Variants in UBE2D4 observed in about 807,000 individuals in gnomAD.
UBE2D4 encodes ubiquitin conjugating enzyme E2 D4, also known as ubiquitin-conjugating enzyme E2 D4.
Under a neutral mutation model 23.0 loss-of-function variants are expected in UBE2D4, and 17 were observed. The ratio of observed to expected loss-of-function variants is 0.74; its 90% CI spans 0.51 to 1.11. The LOEUF (loss-of-function observed/expected upper bound fraction) is 1.11. UBE2D4 is among the 50% of genes least tolerant of loss of function. The probability of loss-of-function intolerance (pLI) is 0.00; values close to 1 mark genes in which losing one functional copy is unlikely to be tolerated. For missense variants in UBE2D4, 139 were observed against 181.8 expected, an observed-to-expected ratio of 0.76 and a Z score of 1.35; for synonymous variants, 61 against 69.4, an observed-to-expected ratio of 0.88 and a Z score of 0.60.
At chr7:43,938,339 C>T (rs1029955211) in intron 1 of UBE2D4, 92 bp from the exon 2 acceptor site, 1 of 1,291,086 alleles carries the variant, frequency 7.7e-7, no homozygotes, top group African/African-American at 1.5e-5. Context: ...AGCCTCCTCC[C>T]ACCAGGAGAA....
chr7:43,954,864 G>T lies in UBE2D4; in HGVS notation c.*2169G>T, dbSNP rs1406610924. ...GATGGGAAAATTAAGGCCCAACTTGGTGTTGGGGAATAACCATACTCTGGT... is the reference window on the plus strand; with the variant it reads ...GATGGGAAAATTAAGGCCCAACTTGTTGTTGGGGAATAACCATACTCTGGT... On this transcript the variant is annotated 3_prime_UTR_variant, in exon 7 of 7. Transcript: ENST00000222402. 6.6e-6 allele frequency: 1 copy of T among 152,196 alleles called. No homozygotes were observed. Among genetic ancestry groups the T allele is most frequent in the Non-Finnish European group, 1.5e-5 (1 of 68,044 alleles). The allele number at this position is 152,196 out of a possible 1,614,324, so 9.4% of individuals were successfully genotyped here. A position where few individuals can be genotyped will look rare whatever the true frequency, so the allele number is the denominator to read the frequency against.
At chr7:43,928,196 T>C (rs1312067959) in intron 1 of UBE2D4, 1 of 308,526 alleles carries the variant, frequency 3.2e-6, no homozygotes, top group Non-Finnish European at 6.6e-6. Context: ...CACTTATTAT[T>C]GTGGGGGGGC....
rs1427819395 is a variant in UBE2D4, at chr7:43,952,635, G to C, written c.399-15G>C. The C allele has an allele frequency of 6.2e-7, 1 of 1,612,734 alleles. No individual in the cohort carries two copies. The highest frequency in any genetic ancestry group is 2.2e-5 in the East Asian group (1 of 44,882). On this transcript the variant is annotated splice_polypyrimidine_tract_variant and intron_variant, in intron 6 of 6. Coordinates refer to ENST00000222402, the MANE Select transcript of UBE2D4 (RefSeq NM_015983.4). ...TTCAAGTGAGGGTGTCACTTCCTCT[G>C]CTTTTTTATTCCAGGTACAACAGAC... is the stretch of plus-strand genomic sequence containing the variant.
At chr7:43,946,949 A>G (rs1051831051) in intron 4 of UBE2D4, among the ~76,000 whole-genome samples, 15 of 151,924 alleles carry the variant, frequency 9.9e-5, no homozygotes, top group African/African-American at 3.1e-4. Flanking sequence ...TTACATAGGT[A>G]TACATGTGCC....
chr7:43,946,172 A>G (rs900566994), intron 4 of UBE2D4: 1 of 152,064 alleles, frequency 6.6e-6, no homozygotes, highest in Admixed American at 6.6e-5. Flanking sequence ...TTAGGCTCCT[A>G]TAGCAGTACA....
chr7:43,948,349 CCCTTG>C (rs2095993215), intron 4 of UBE2D4, among the ~76,000 whole-genome samples: 1 of 152,202 alleles, frequency 6.6e-6, no homozygotes, highest in Non-Finnish European at 1.5e-5. Flanking sequence ...CTTTCCACCA[CCCTTG>C]TTATTCCTCA....
chr7:43,926,694 C>T lies in UBE2D4; in HGVS notation c.24+138C>T, dbSNP rs376000729. 1.4e-4 allele frequency: 124 copies of T among 914,404 alleles called. 1 individual carries two copies. In the South Asian group the frequency reaches 2.8e-3, roughly 21 times the overall value. The allele number at this position is 914,404 out of a possible 1,614,324, so 56.6% of individuals were successfully genotyped here. A position where few individuals can be genotyped will look rare whatever the true frequency, so the allele number is the denominator to read the frequency against. On this transcript the variant is annotated intron_variant, in intron 1 of 6. Coordinates refer to ENST00000222402, the MANE Select transcript of UBE2D4 (RefSeq NM_015983.4). ...CCTGCCTGGGAAGGAGGCAGAACAG[C>T]CTCCCGCGCAGCCTGAAAAGCGAAC...
At chr7:43,936,609 G>A (rs1256115181) in intron 1 of UBE2D4, among the ~76,000 whole-genome samples, 1 of 152,120 alleles carries the variant, frequency 6.6e-6, no homozygotes. Context: ...CCTCCTGGGT[G>A]GGCAACCAGT....
rs57093593 is a variant in UBE2D4, at chr7:43,932,984, G to GTATATATATA, written c.25-5426_25-5417dup. On this transcript the variant is annotated intron_variant, in intron 1 of 6. Coordinates refer to ENST00000222402, the MANE Select transcript of UBE2D4 (RefSeq NM_015983.4). ...CCTCCTGGGGGCAACAAATGTTAAA[G>GTATATATATA]TATATATATATATATATATATATAT... Among the ~76,000 whole-genome samples, 183 of 85,798 alleles carry GTATATATATA rather than the reference G, an allele frequency of 2.1e-3. 2 individuals are homozygous for GTATATATATA. The highest frequency in any genetic ancestry group is 6.9e-3 in the Middle Eastern group (1 of 144). The allele number at this position is 85,798 out of a possible 152,430, so 56.3% of individuals were successfully genotyped here. A position where few individuals can be genotyped will look rare whatever the true frequency, so the allele number is the denominator to read the frequency against.
intron 1 of UBE2D4, among the ~76,000 whole-genome samples, chr7:43,931,534 C>T (rs1473614798): frequency 2.1e-5 from 3 of 143,012 alleles, no homozygotes; most frequent in African/African-American, 7.8e-5. Flanking sequence ...GCAGGCTGTA[C>T]AGGAAGTATG....
At position 43,954,641 on chromosome 7, in the gene UBE2D4, A is replaced by G. The variant is rs972275810; in HGVS notation, c.*1946A>G. 1 of 152,166 alleles carries G rather than the reference A, an allele frequency of 6.6e-6. No homozygotes were observed. Among genetic ancestry groups the G allele is most frequent in the Non-Finnish European group, 1.5e-5 (1 of 68,022 alleles). 9.4% of individuals were successfully genotyped at this position (152,166 alleles called of 1,614,324 possible). On this transcript the variant is annotated 3_prime_UTR_variant, in exon 7 of 7. Coordinates refer to ENST00000222402, the MANE Select transcript of UBE2D4 (RefSeq NM_015983.4). ...CTTAAACAAAACAATAAAGCTTAAT[A>G]GTTGGGGAGAATGCTGTTACCAGTG...
chr7:43,937,441 C>T (rs904176269), intron 1 of UBE2D4, among the ~76,000 whole-genome samples: 1 of 152,196 alleles, frequency 6.6e-6, no homozygotes, highest in Admixed American at 6.5e-5. Flanking sequence ...GTTAAATTCT[C>T]TTTTGGCCAC....
At chr7:43,938,285 G>C in intron 1 of UBE2D4, 146 bp from the exon 2 acceptor site, 1 of 747,282 alleles carries the variant, frequency 1.3e-6, no homozygotes, top group Non-Finnish European at 2.4e-6. Flanking sequence ...AGGGAGTAGA[G>C]TCCTATGACC....
chr7:43,945,005 T>A (rs899472279), intron 4 of UBE2D4: 3 of 152,170 alleles, frequency 2.0e-5, no homozygotes, highest in Non-Finnish European at 4.4e-5. Context: ...ATTATTATTA[T>A]TTTTGAGACA....
At chr7:43,932,333 G>A (rs1483608391) in intron 1 of UBE2D4, among the ~76,000 whole-genome samples, 1 of 152,170 alleles carries the variant, frequency 6.6e-6, no homozygotes, top group Non-Finnish European at 1.5e-5. Flanking sequence ...GTGAGAAGAG[G>A]ATAATACCAA....
chr7:43,948,504 C>T, intron 4 of UBE2D4, 128 bp from the exon 5 acceptor site: 1 of 647,150 alleles, frequency 1.5e-6, no homozygotes, highest in Middle Eastern at 4.3e-4. Context: ...TCTGGCTTAG[C>T]CTGCACTGTG....
intron 1 of UBE2D4, among the ~76,000 whole-genome samples, chr7:43,929,595 G>A (rs998869832): frequency 7.2e-5 from 11 of 152,058 alleles, no homozygotes; most frequent in African/African-American, 2.7e-4. Context: ...GGCAACCAGA[G>A]TGAGACCCTG....
chr7:43,950,911 G>C (rs937824644), intron 6 of UBE2D4, among the ~76,000 whole-genome samples: 1 of 152,230 alleles, frequency 6.6e-6, no homozygotes, highest in Non-Finnish European at 1.5e-5. Context: ...GATAAAAGCA[G>C]TTCCCCTCCT....
At chr7:43,942,900 T>C in intron 3 of UBE2D4, 43 bp downstream of exon 3, 1 of 1,614,214 alleles carries the variant, frequency 6.2e-7, no homozygotes, top group Non-Finnish European at 8.5e-7. Flanking sequence ...TTTTGCTTCT[T>C]GCACTTTGGG....
Sources: allele counts gnomAD v4.1 joint callset (sites outside exome capture counted in the v4.1 genomes callset), GRCh38; gene constraint gnomAD v4.1.1; transcripts MANE v1.5; gene names NCBI Gene and HGNC (gene_info 2026-07-23, HGNC 2026-07-21).